The following HNF4G variants were observed in gnomAD, a reference collection of about 807,000 sequenced individuals.
HNF4G encodes the protein hepatocyte nuclear factor 4-gamma.
A neutral mutation model predicts 50.9 loss-of-function variants in HNF4G; 21 were observed. That is an observed-to-expected ratio of 0.41 (90% CI 0.29 to 0.59). The LOEUF (loss-of-function observed/expected upper bound fraction) is 0.59. Among genes scored for constraint, HNF4G ranks in the 20% least tolerant of loss-of-function variants. HNF4G has a pLI of 0.26. For synonymous variants in HNF4G, 198 were observed against 185.6 expected (o/e 1.07, Z -0.54); for missense variants, 527 against 559.4 (o/e 0.94, Z 0.58).
intron 1 of HNF4G, among the ~76,000 whole-genome samples, chr8:75,453,502 C>T (rs947002999): frequency 7.1e-6 from 1 of 140,620 alleles, no homozygotes; most frequent in Non-Finnish European, 1.6e-5. Flanking sequence ...GGCCACCCCC[C>T]TGCCCCCCCG....
At chr8:75,490,481 A>G (rs1812600443) in intron 2 of HNF4G, among the ~76,000 whole-genome samples, 1 of 152,162 alleles carries the variant, frequency 6.6e-6, no homozygotes. Context: ...ATAAATGTTT[A>G]TATGCACGTT....
intron 2 of HNF4G, among the ~76,000 whole-genome samples, chr8:75,521,590 G>A (rs71529218): frequency 0.05 from 7,607 of 152,040 alleles, 263 homozygotes; most frequent in Non-Finnish European, 0.072. Context: ...CTGAATTCTG[G>A]TTCTAGCAGT....
intron 2 of HNF4G, chr8:75,490,341 A>G (rs1812594972): frequency 6.6e-6 from 1 of 152,236 alleles, no homozygotes; most frequent in Non-Finnish European, 1.5e-5. Flanking sequence ...CAAAGTGTAC[A>G]CTGACCACAA....
intron 1 of HNF4G, among the ~76,000 whole-genome samples, chr8:75,420,585 T>C (rs189397259): frequency 6.6e-6 from 1 of 152,358 alleles, no homozygotes; most frequent in Admixed American, 6.5e-5. Context: ...TGTTCAATAT[T>C]CCTTCCAAAC....
chr8:75,415,846 C>T (rs1810620875), intron 1 of HNF4G, among the ~76,000 whole-genome samples: 2 of 152,082 alleles, frequency 1.3e-5, no homozygotes, highest in Non-Finnish European at 2.9e-5. Context: ...CTGGATTGGT[C>T]TACAAAGGCT....
chr8:75,529,305 CAG>C (rs1256357247), intron 2 of HNF4G, among the ~76,000 whole-genome samples: 3 of 151,670 alleles, frequency 2.0e-5, no homozygotes, highest in Non-Finnish European at 4.4e-5. Flanking sequence ...AAAAAAACCT[CAG>C]ATCTCGTGAG....
intron 7 of HNF4G, 45 bp from the exon 8 acceptor site, chr8:75,558,756 T>C: frequency 6.3e-7 from 1 of 1,577,900 alleles, no homozygotes. Context: ...TCTCACACTG[T>C]AATTAGGTTA....
chr8:75,474,961 G>A (rs1345174218), intron 1 of HNF4G, among the ~76,000 whole-genome samples: 2 of 151,818 alleles, frequency 1.3e-5, no homozygotes, highest in African/African-American at 4.8e-5. Context: ...CTCCCAAAGT[G>A]CTGGGATTAC....
At chr8:75,550,312 T>C (rs1828911) in intron 3 of HNF4G, among the ~76,000 whole-genome samples, 53,973 of 151,470 alleles carry the variant, frequency 0.36, 10,792 homozygotes, top group African/African-American at 0.55. Context: ...CTCTCTCTCT[T>C]TTTTTTTAAT....
chr8:75,541,048 C>G (rs2130784139), intron 1 of HNF4G, among the ~76,000 whole-genome samples: 1 of 152,084 alleles, frequency 6.6e-6, no homozygotes, highest in Non-Finnish European at 1.5e-5. Flanking sequence ...TTTAGCACAA[C>G]TATAGTTAAA....
Position 75,468,425 on chromosome 8 carries a change from G to A in HNF4G, c.-143-21664G>A, listed in dbSNP as rs2672857. Among the ~76,000 whole-genome samples, 425 of 152,274 alleles carry A rather than the reference G, an allele frequency of 2.8e-3. 4 individuals are homozygous for A. The highest frequency in any genetic ancestry group is 4.8e-3 in the Non-Finnish European group (329 of 68,018). ...TAAAATATATGTAGGGCTGGGCACG[G>A]TGGCTCATGCCTGTAATCCCAGCAC... is the stretch of plus-strand genomic sequence containing the variant. On this transcript the variant is annotated intron_variant, in intron 1 of 10. Coordinates refer to the HNF4G transcript ENST00000354370.
chr8:75,436,337 C>A (rs1459507381), intron 1 of HNF4G, among the ~76,000 whole-genome samples: 1 of 152,286 alleles, frequency 6.6e-6, no homozygotes, highest in Middle Eastern at 3.4e-3. Context: ...TACTGATATG[C>A]TCTTGAAAAA....
chr8:75,525,219 G>A (rs540485796), intron 2 of HNF4G, among the ~76,000 whole-genome samples: 2 of 152,230 alleles, frequency 1.3e-5, no homozygotes, highest in East Asian at 3.9e-4. Context: ...TCCCAGGCTG[G>A]AGTGCAGTGG....
intron 2 of HNF4G, among the ~76,000 whole-genome samples, chr8:75,528,982 C>A (rs1303189355): frequency 6.6e-6 from 1 of 151,964 alleles, no homozygotes; most frequent in Admixed American, 6.6e-5. Context: ...AGGGAAACTG[C>A]CACTTTAAAA....
At chr8:75,533,276 C>T (rs1210275972) in intron 2 of HNF4G, among the ~76,000 whole-genome samples, 6 of 152,068 alleles carry the variant, frequency 3.9e-5, no homozygotes, top group African/African-American at 7.2e-5. Flanking sequence ...CTTCTTAAAG[C>T]AGTAGTTCTC....
At chr8:75,507,315 A>C (rs6998555) in intron 2 of HNF4G, among the ~76,000 whole-genome samples, 6,728 of 147,994 alleles carry the variant, frequency 0.045, 166 homozygotes, top group South Asian at 0.055. Context: ...GCTGGAGTGC[A>C]GCGGCGTGAT....
intron 1 of HNF4G, 32 bp downstream of exon 1, chr8:75,540,112 A>C: frequency 8.2e-7 from 1 of 1,226,790 alleles, no homozygotes; most frequent in Non-Finnish European, 1.2e-6. Flanking sequence ...GATGTAAAGA[A>C]AAGTAAGTAT....
At chr8:75,516,931 T>A (rs1295711564) in intron 2 of HNF4G, among the ~76,000 whole-genome samples, 1 of 152,180 alleles carries the variant, frequency 6.6e-6, no homozygotes, top group Admixed American at 6.5e-5. Context: ...AATAAAGACA[T>A]ACCCAAGACT....
intron 1 of HNF4G, among the ~76,000 whole-genome samples, chr8:75,468,290 C>A (rs1812033358): frequency 6.6e-6 from 1 of 152,056 alleles, no homozygotes; most frequent in African/African-American, 2.4e-5. Flanking sequence ...TGGTCCTTGT[C>A]TTTTCTTCTA....
Sources: allele counts gnomAD v4.1 joint callset (sites outside exome capture counted in the v4.1 genomes callset), GRCh38; gene constraint gnomAD v4.1.1; transcripts MANE v1.5; gene names NCBI Gene and HGNC (gene_info 2026-07-23, HGNC 2026-07-21).